The following ELAPOR2 variants were observed in gnomAD, a reference collection of about 807,000 sequenced individuals.
The protein encoded by ELAPOR2 is endosome/lysosome-associated apoptosis and autophagy regulator family member 2.
ELAPOR2 carries 89 observed loss-of-function variants against 120.7 expected under a neutral mutation model. That is an observed-to-expected ratio of 0.74 (90% CI 0.62 to 0.88). The LOEUF is 0.88. Among genes scored for constraint, ELAPOR2 ranks in the 40% least tolerant of loss-of-function variants. The pLI, the probability that ELAPOR2 is intolerant of heterozygous loss-of-function variation, is 0.00. For missense variants in ELAPOR2, 1,134 were observed against 1,251.6 expected, an observed-to-expected ratio of 0.91 and a Z score of 1.42; for synonymous variants, 444 against 444.9, an observed-to-expected ratio of 1.00 and a Z score of 0.03.
chr7:86,885,909 GC>G (rs961955736), intron 21 of ELAPOR2, among the ~76,000 whole-genome samples: 19 of 152,232 alleles, frequency 1.2e-4, no homozygotes, highest in African/African-American at 4.6e-4. Context: ...ACCAAGAACA[GC>G]TACATGTAGA....
At chr7:87,011,584 C>T (rs1363468680) in intron 1 of ELAPOR2, among the ~76,000 whole-genome samples, 1 of 152,186 alleles carries the variant, frequency 6.6e-6, no homozygotes, top group Non-Finnish European at 1.5e-5. Context: ...TGCCAACTGG[C>T]TTAACATTGT....
intron 3 of ELAPOR2, among the ~76,000 whole-genome samples, chr7:86,946,353 C>T (rs1328784637): frequency 6.6e-6 from 1 of 152,170 alleles, no homozygotes; most frequent in Non-Finnish European, 1.5e-5. Flanking sequence ...GTTCAACATA[C>T]ATCTCCTATA....
At chr7:86,990,470 C>T (rs1792907804) in intron 1 of ELAPOR2, among the ~76,000 whole-genome samples, 1 of 152,102 alleles carries the variant, frequency 6.6e-6, no homozygotes, top group African/African-American at 2.4e-5. Flanking sequence ...CAAGAAGGTC[C>T]TCACCAGATG....
chr7:86,910,442 G>T (rs1312659718), intron 15 of ELAPOR2, among the ~76,000 whole-genome samples: 2 of 152,022 alleles, frequency 1.3e-5, no homozygotes, highest in Non-Finnish European at 2.9e-5. Context: ...TAGCAGAAAG[G>T]TAATGTGAAG....
Position 86,937,695 on chromosome 7 carries a change from C to T in ELAPOR2, c.1089+431G>A, listed in dbSNP as rs973817255. 6.6e-5 allele frequency among the ~76,000 whole-genome samples: 10 copies of T among 152,198 alleles called. No individual in the cohort carries two copies. In the East Asian group the frequency reaches 1.7e-3, roughly 27 times the overall value. ...ATTAAAGAGAAGTTATAAGAACTTT[C>T]CATCCTGTGAGTCACACTACACATT... is the stretch of plus-strand genomic sequence containing the variant. On this transcript the variant is annotated intron_variant, in intron 8 of 21. Coordinates refer to ENST00000450689, the MANE Select transcript of ELAPOR2 (RefSeq NM_001142749.3).
chr7:86,984,764 C>G (rs1236111735), intron 1 of ELAPOR2, among the ~76,000 whole-genome samples: 1 of 152,056 alleles, frequency 6.6e-6, no homozygotes, highest in Non-Finnish European at 1.5e-5. Context: ...CCTAACATAA[C>G]AATTAAAAGA....
At position 86,952,436 on chromosome 7, in the gene ELAPOR2, T is replaced by C. The variant is rs117715906; in HGVS notation, c.311-4514A>G. ...TCCAAAGGTGGGGCCTCAGAGAAAA[T>C]TCAGTTCAAAAAATTATTACAACCA... On this transcript the variant is annotated intron_variant, in intron 2 of 21. Transcript: ENST00000450689. Among the ~76,000 whole-genome samples, 878 of 152,168 alleles carry C rather than the reference T, an allele frequency of 5.8e-3. 31 individuals carry two copies. Among genetic ancestry groups the C allele is most frequent in the Admixed American group, 0.052 (792 of 15,296 alleles).
chr7:86,979,029 T>C (rs1039577708), intron 1 of ELAPOR2, among the ~76,000 whole-genome samples: 5 of 152,250 alleles, frequency 3.3e-5, no homozygotes, highest in African/African-American at 9.6e-5. Flanking sequence ...TCAGAGCCCA[T>C]GCCTATGCAA....
chr7:86,925,183 A>G (rs1274981478), intron 10 of ELAPOR2, among the ~76,000 whole-genome samples: 1 of 152,014 alleles, frequency 6.6e-6, no homozygotes, highest in Non-Finnish European at 1.5e-5. Context: ...TAATCAAGAC[A>G]GAAATCCCAT....
At chr7:86,978,446 T>C (rs2116540548) in intron 1 of ELAPOR2, among the ~76,000 whole-genome samples, 1 of 152,280 alleles carries the variant, frequency 6.6e-6, no homozygotes, top group East Asian at 1.9e-4. Flanking sequence ...AGAAAAAATA[T>C]AAGACACACT....
intron 4 of ELAPOR2, 46 bp from the exon 5 acceptor site, chr7:86,942,150 G>T: frequency 2.7e-6 from 3 of 1,119,282 alleles, no homozygotes; most frequent in Non-Finnish European, 4.0e-6. Flanking sequence ...TTGAATAACA[G>T]CTTTAATTAA....
At chr7:87,032,352 T>C (rs1045198424) in intron 1 of ELAPOR2, among the ~76,000 whole-genome samples, 20 of 152,128 alleles carry the variant, frequency 1.3e-4, no homozygotes, top group African/African-American at 3.4e-4. Context: ...CTTACAGCAA[T>C]GCCTGAGCCA....
intron 1 of ELAPOR2, among the ~76,000 whole-genome samples, chr7:87,033,839 TA>T (rs1333750285): frequency 6.6e-6 from 1 of 151,972 alleles, no homozygotes; most frequent in Non-Finnish European, 1.5e-5. Context: ...ATATATATAA[TA>T]TAGCACATAT....
rs144778348 is a variant in ELAPOR2 at position 86,881,970 on chromosome 7, G to A, written c.3031-1440C>T. Among the ~76,000 whole-genome samples the A allele has an allele frequency of 7.2e-5, 11 of 152,264 alleles. No individual in the cohort carries two copies. In the East Asian group the frequency reaches 1.7e-3, roughly 24 times the overall value. On this transcript the variant is annotated intron_variant, in intron 21 of 21. Coordinates refer to ENST00000450689, the MANE Select transcript of ELAPOR2 (RefSeq NM_001142749.3). ...TTTTGTGTTTGCTTTCATTGGGGTG[G>A]ATAAATCCAAGAGCTTTAGGGCTAC...
At chr7:86,992,438 A>G (rs1562959297) in intron 1 of ELAPOR2, among the ~76,000 whole-genome samples, 1 of 152,246 alleles carries the variant, frequency 6.6e-6, no homozygotes. Flanking sequence ...TCTCAAAAAA[A>G]AAATAGCTCC....
At chr7:87,034,479 GA>G (rs1437204653) in intron 1 of ELAPOR2, among the ~76,000 whole-genome samples, 1 of 150,806 alleles carries the variant, frequency 6.6e-6, no homozygotes, top group Non-Finnish European at 1.5e-5. Flanking sequence ...GACAAATGTA[GA>G]AAAAAATGAG....
intron 2 of ELAPOR2, among the ~76,000 whole-genome samples, chr7:86,956,820 A>G (rs1213113483): frequency 6.6e-6 from 1 of 152,160 alleles, no homozygotes; most frequent in Non-Finnish European, 1.5e-5. Context: ...GGGAAGAAAA[A>G]TGTTCAGAGT....
At chr7:86,889,063 GA>G (rs1248454518) in intron 21 of ELAPOR2, among the ~76,000 whole-genome samples, 1 of 152,074 alleles carries the variant, frequency 6.6e-6, no homozygotes, top group African/African-American at 2.4e-5. Context: ...ATGGATGTTA[GA>G]AAAGGTGGTA....
chr7:86,911,892 GC>G, intron 15 of ELAPOR2, 179 bp downstream of exon 15: 1 of 629,898 alleles, frequency 1.6e-6, no homozygotes, highest in Admixed American at 2.9e-5. Flanking sequence ...AGACAAGGTT[GC>G]CCCTGGTGGA....
Sources: allele counts gnomAD v4.1 joint callset (sites outside exome capture counted in the v4.1 genomes callset), GRCh38; gene constraint gnomAD v4.1.1; transcripts MANE v1.5; gene names NCBI Gene and HGNC (gene_info 2026-07-23, HGNC 2026-07-21).